ARID1A: variants seen among roughly 807,000 people sequenced by gnomAD.
ARID1A encodes the protein AT-rich interaction domain 1A, also known as AT-rich interactive domain-containing protein 1A.
In ARID1A, 20 loss-of-function variants were observed where a neutral mutation model predicts 212.6. That is an observed-to-expected ratio of 0.09 (90% CI 0.07 to 0.14). The LOEUF (loss-of-function observed/expected upper bound fraction) is 0.14, where lower values mean the gene tolerates loss of function less well. ARID1A is among the 10% of genes least tolerant of loss of function. The pLI is 1.00. For synonymous variants in ARID1A, 1,376 were observed against 1,222.1 expected (o/e 1.13, Z -2.63); for missense variants, 2,587 against 3,059.0 (o/e 0.85, Z 3.64).
In ARID1A at chr1:26,780,099, C is replaced by T. The variant is rs2124146740; in HGVS notation, c.6201C>T (p.Ile2067=). The stretch of plus-strand genomic sequence containing the variant: ...ACACCTTGGTTACACTCGCCAACAT[C>T]TCGGGGCAGTTGGACCTATCTCCAT... ...RENTLVTLAN[I]SGQLDLSPYP... Residue 2067 remains isoleucine (I), a synonymous_variant, in exon 20 of 20, where the codon ATC becomes ATT. Transcript: ENST00000324856. This position sits in a 1 kb window ranked among gnomAD's most constrained non-coding sequence, Gnocchi z 7.2. 6.2e-7 allele frequency: 1 copy of T among 1,614,202 alleles called. No homozygotes were observed. Among genetic ancestry groups the T allele is most frequent in the Admixed American group, 1.7e-5 (1 of 60,026 alleles).
intron 1 of ARID1A, among the ~76,000 whole-genome samples, chr1:26,705,658 A>G (rs2080384933): frequency 6.6e-6 from 1 of 152,166 alleles, no homozygotes; most frequent in African/African-American, 2.4e-5. Flanking sequence ...GATCATTCCC[A>G]GGTTTTAGAG....
intron 1 of ARID1A, among the ~76,000 whole-genome samples, chr1:26,705,259 T>A (rs1441362724): frequency 6.6e-6 from 1 of 151,942 alleles, no homozygotes; most frequent in African/African-American, 2.4e-5. Flanking sequence ...TGCCTCAGCC[T>A]CCTGAGTAGC....
intron 8 of ARID1A, chr1:26,764,296 C>G (rs1570605962): frequency 6.7e-6 from 1 of 148,752 alleles, no homozygotes; most frequent in East Asian, 2.0e-4. Context: ...GAGATGGGGT[C>G]TCAGTGTGTT....
At chr1:26,752,592 T>C (rs903571476) in intron 4 of ARID1A, among the ~76,000 whole-genome samples, 4 of 152,240 alleles carry the variant, frequency 2.6e-5, no homozygotes, top group Non-Finnish European at 4.4e-5. Context: ...TTTTTCTTCC[T>C]TAGAGTTTAA....
At chr1:26,759,796 A>G (rs560896040) in intron 4 of ARID1A, among the ~76,000 whole-genome samples, 29 of 152,318 alleles carry the variant, frequency 1.9e-4, no homozygotes, top group African/African-American at 4.8e-4. Context: ...AAAAGCTGGG[A>G]AAAAAACAGA....
Position 26,782,068 on chromosome 1 carries a change from C to T in ARID1A, c.*1312C>T. On this transcript the variant is annotated 3_prime_UTR_variant, in exon 20 of 20. Transcript: ENST00000324856. The stretch of plus-strand genomic sequence containing the variant: ...TATGAAATCTTTATACTATATGTTC[C>T]ACGTGTTAAGAATAAATGTACATTA... 4.4e-6 allele frequency: 1 copy of T among 228,360 alleles called. No individual in the cohort carries two copies. The highest frequency in any genetic ancestry group is 6.3e-5 in the East Asian group (1 of 15,844). 14.1% of individuals were successfully genotyped at this position (228,360 alleles called of 1,614,324 possible).
chr1:26,754,352 C>T (rs936087570), intron 4 of ARID1A, among the ~76,000 whole-genome samples: 11 of 152,204 alleles, frequency 7.2e-5, no homozygotes, highest in African/African-American at 2.7e-4. Context: ...TTACCACTCC[C>T]TCCCATTTCC....
intron 3 of ARID1A, 113 bp from the exon 4 acceptor site, chr1:26,732,563 C>G: frequency 1.2e-6 from 1 of 816,668 alleles, no homozygotes; most frequent in East Asian, 2.5e-5. Flanking sequence ...CTTTTCGCAA[C>G]TGGACTTTCT....
At chr1:26,697,896 A>C (rs1213363546) in intron 1 of ARID1A, among the ~76,000 whole-genome samples, 1 of 151,888 alleles carries the variant, frequency 6.6e-6, no homozygotes, top group Non-Finnish European at 1.5e-5. Context: ...GAGTGTAGGC[A>C]GTGGTAGGAG....
rs781033223 is a variant in ARID1A at position 26,780,355 on chromosome 1, C to T, written c.6457C>T (p.Arg2153Cys). ...RLEKLYSTMV[R>C]FLSDRKNPVC... Reference sequence around the variant, plus strand: ...GGAGAAGTTGTATAGCACTATGGTGCGCTTCCTCAGTGACCGAAAGAACCC... The same window carrying T: ...GGAGAAGTTGTATAGCACTATGGTGTGCTTCCTCAGTGACCGAAAGAACCC... Residue 2153 changes from arginine (R) to cysteine (C), a missense_variant, in exon 20 of 20, where the codon CGC becomes TGC. Coordinates refer to ENST00000324856, the MANE Select transcript of ARID1A (RefSeq NM_006015.6). The surrounding 1 kb of genome is among the most constrained non-coding windows in gnomAD (Gnocchi z 7.2). 11 of 1,614,122 alleles carry T rather than the reference C, an allele frequency of 6.8e-6. No homozygotes were observed. The highest frequency in any genetic ancestry group is 3.3e-5 in the South Asian group (3 of 91,092).
intron 4 of ARID1A, among the ~76,000 whole-genome samples, chr1:26,735,556 T>A (rs1371381399): frequency 1.3e-5 from 2 of 152,180 alleles, no homozygotes; most frequent in Non-Finnish European, 2.9e-5. Flanking sequence ...CCTCCCAAGG[T>A]GCTGGGATTA....
At chr1:26,705,387 A>G (rs1233440525) in intron 1 of ARID1A, among the ~76,000 whole-genome samples, 2 of 150,102 alleles carry the variant, frequency 1.3e-5, no homozygotes, top group Non-Finnish European at 3.0e-5. Context: ...TGATCCACCC[A>G]CCTTGGCCTT....
rs775779403 is a variant in ARID1A at position 26,762,938 on chromosome 1, G to GT, written c.2420-34dup. 13 of 1,528,818 alleles carry GT rather than the reference G, an allele frequency of 8.5e-6. No individual in the cohort carries two copies. The East Asian group carries it at 2.7e-4, about 32-fold the overall frequency. 94.7% of individuals were successfully genotyped at this position (1,528,818 alleles called of 1,614,324 possible). ...AGAGATATTAGTGAGTTGCTAGTGA[G>GT]TGACTAACCAAGTCTTGTCTTCCTC... On this transcript the variant is annotated intron_variant, in intron 7 of 19. Coordinates refer to ENST00000324856, the MANE Select transcript of ARID1A (RefSeq NM_006015.6).
chr1:26,712,655 A>G (rs2080465183), intron 1 of ARID1A, among the ~76,000 whole-genome samples: 1 of 152,138 alleles, frequency 6.6e-6, no homozygotes, highest in African/African-American at 2.4e-5. Flanking sequence ...TGATTGTGCT[A>G]TTGGACTACA....
intron 3 of ARID1A, among the ~76,000 whole-genome samples, chr1:26,732,452 C>T (rs1198547237): frequency 6.6e-6 from 1 of 152,152 alleles, no homozygotes; most frequent in African/African-American, 2.4e-5. Context: ...AGAAACAGCC[C>T]TCTGTAGGCA....
intron 3 of ARID1A, among the ~76,000 whole-genome samples, chr1:26,732,436 ACCC>A (rs2080688205): frequency 6.6e-6 from 1 of 152,140 alleles, no homozygotes; most frequent in South Asian, 2.1e-4. Context: ...TTAGCATTTA[ACCC>A]CAAGAAACAG....
rs965796800 is a variant in ARID1A, at chr1:26,780,895, GTC to G, written c.*144_*145del. On this transcript the variant is annotated 3_prime_UTR_variant, in exon 20 of 20. Coordinates refer to ENST00000324856, the MANE Select transcript of ARID1A (RefSeq NM_006015.6). The surrounding 1 kb of genome is among the most constrained non-coding windows in gnomAD (Gnocchi z 7.2). The stretch of plus-strand genomic sequence containing the variant: ...TGTCCAGCTTCTCCCTTGGGAAAAA[GTC>G]TCTCCTGTTTCTCTCTCCTCCTTCC... The G allele has an allele frequency of 3.7e-5, 46 of 1,258,302 alleles. No homozygotes were observed. The Admixed American group carries it at 1.0e-3, about 28-fold the overall frequency. The allele number at this position is 1,258,302 out of a possible 1,614,324, so 77.9% of individuals were successfully genotyped here. A position where few individuals can be genotyped will look rare whatever the true frequency, so the allele number is the denominator to read the frequency against.
intron 1 of ARID1A, among the ~76,000 whole-genome samples, chr1:26,710,221 G>A (rs1239962064): frequency 6.7e-5 from 10 of 148,294 alleles, no homozygotes; most frequent in Admixed American, 6.7e-4. Flanking sequence ...GGATCACAAG[G>A]TCAAGAGATC....
chr1:26,760,642 C>T (rs944790006), intron 4 of ARID1A, among the ~76,000 whole-genome samples: 3 of 151,750 alleles, frequency 2.0e-5, no homozygotes, highest in Admixed American at 1.3e-4. Flanking sequence ...TGAGCCGAGA[C>T]GTGCCATTGC....
Sources: allele counts gnomAD v4.1 joint callset (sites outside exome capture counted in the v4.1 genomes callset), GRCh38; gene constraint gnomAD v4.1.1; non-coding constraint Gnocchi (gnomAD v3.1); transcripts MANE v1.5; gene names NCBI Gene and HGNC (gene_info 2026-07-23, HGNC 2026-07-21).